Variants in HDAC4 observed in about 807,000 individuals in gnomAD.
The protein encoded by HDAC4 is histone deacetylase 4.
HDAC4 carries 16 observed loss-of-function variants against 135.1 expected under a neutral mutation model. The ratio of observed to expected loss-of-function variants is 0.12; its 90% CI spans 0.08 to 0.18. The LOEUF is 0.18. HDAC4 is among the 10% of genes least tolerant of loss of function. The pLI, the probability that HDAC4 is intolerant of heterozygous loss-of-function variation, is 1.00. For missense variants in HDAC4, 1,143 were observed against 1,511.8 expected (o/e 0.76, Z 4.05); for synonymous variants, 685 against 653.4 (o/e 1.05, Z -0.74).
rs187703224 is a variant in HDAC4 at position 239,243,024 on chromosome 2, C to A, written c.23-6360G>T. Among the ~76,000 whole-genome samples, 81 of 152,306 alleles carry A rather than the reference C, an allele frequency of 5.3e-4. 1 individual carries two copies. The highest frequency in any genetic ancestry group is 2.2e-3 in the Admixed American group (34 of 15,302). On this transcript the variant is annotated intron_variant, in intron 2 of 26. Transcript: ENST00000543185. ...ACAGGAAGGCAGCAAGAGCTCCACACAAGCTACACCTAAACTCTTTTCCAC... is the reference window on the plus strand; with the variant it reads ...ACAGGAAGGCAGCAAGAGCTCCACAAAAGCTACACCTAAACTCTTTTCCAC...
intron 2 of HDAC4, among the ~76,000 whole-genome samples, chr2:239,279,093 G>A (rs2050560771): frequency 6.6e-6 from 1 of 152,264 alleles, no homozygotes; most frequent in Non-Finnish European, 1.5e-5. Flanking sequence ...GAGGTAATGG[G>A]GCAGCAGGGC....
At chr2:239,058,279 C>A (rs556923588) in intron 24 of HDAC4, among the ~76,000 whole-genome samples, 4 of 152,206 alleles carry the variant, frequency 2.6e-5, no homozygotes, top group African/African-American at 9.6e-5. Context: ...AAATGGAATG[C>A]AGGAAACCCT....
chr2:239,089,643 T>C (rs2036309861), intron 18 of HDAC4: 1 of 193,472 alleles, frequency 5.2e-6, no homozygotes, highest in Non-Finnish European at 1.1e-5. Flanking sequence ...TTTAAATTAA[T>C]AAACATTTTG....
chr2:239,145,767 G>A (rs1380362367), intron 7 of HDAC4, among the ~76,000 whole-genome samples: 2 of 152,090 alleles, frequency 1.3e-5, no homozygotes, highest in African/African-American at 4.8e-5. Context: ...GGAACAGGCA[G>A]TGCACCGCCT....
chr2:239,347,935 G>A (rs558335242), intron 2 of HDAC4, among the ~76,000 whole-genome samples: 10 of 151,620 alleles, frequency 6.6e-5, no homozygotes, highest in African/African-American at 2.4e-4. Flanking sequence ...GCATCATCCC[G>A]GTGACCATAG....
rs925695689 is a variant in HDAC4, at chr2:239,396,913, G to A, written c.-220+4065C>T. ...GGACTTGGAGCATTAGCTCCCTTCC[G>A]TCACCCCCACCTGCCTCCAGGCGTC... On this transcript the variant is annotated intron_variant, in intron 1 of 26. Coordinates refer to ENST00000543185, the MANE Select transcript of HDAC4 (RefSeq NM_001378414.1). Among the ~76,000 whole-genome samples the A allele has an allele frequency of 5.3e-5, 8 of 152,256 alleles. No individual in the cohort carries two copies. In the South Asian group the frequency reaches 8.3e-4, roughly 16 times the overall value.
At position 239,089,800 on chromosome 2, in the gene HDAC4, C is replaced by A. The variant is rs1317232052; in HGVS notation, c.2388+209G>T. The stretch of plus-strand genomic sequence containing the variant: ...TCTTAAGACCCAAATCATTGAGAAT[C>A]TCTGTACTATGCACATACCCTATCA... On this transcript the variant is annotated intron_variant, in intron 18 of 26. Coordinates refer to ENST00000543185, the MANE Select transcript of HDAC4 (RefSeq NM_001378414.1). The A allele has an allele frequency of 3.0e-5, 16 of 541,742 alleles. No homozygotes were observed. In the Admixed American group the frequency reaches 4.6e-4, roughly 16 times the overall value. The allele number at this position is 541,742 out of a possible 1,614,324, so 33.6% of individuals were successfully genotyped here.
chr2:239,205,995 G>C (rs1275732785), intron 3 of HDAC4, among the ~76,000 whole-genome samples: 2 of 152,194 alleles, frequency 1.3e-5, no homozygotes, highest in Non-Finnish European at 2.9e-5. Flanking sequence ...CCATCAGAAA[G>C]AATTTTAAGG....
intron 16 of HDAC4, among the ~76,000 whole-genome samples, chr2:239,100,934 C>A (rs979629908): frequency 6.6e-6 from 1 of 152,154 alleles, no homozygotes; most frequent in Non-Finnish European, 1.5e-5. Flanking sequence ...CAGCAGCAGG[C>A]GAAGCCGCTG....
intron 15 of HDAC4, among the ~76,000 whole-genome samples, chr2:239,106,447 G>T (rs2038138115): frequency 6.6e-6 from 1 of 152,172 alleles, no homozygotes; most frequent in South Asian, 2.1e-4. Context: ...GTCCTGTGGA[G>T]GGAAGGGACG....
intron 12 of HDAC4, among the ~76,000 whole-genome samples, chr2:239,125,990 C>T (rs1218878452): frequency 1.3e-5 from 2 of 152,228 alleles, no homozygotes; most frequent in African/African-American, 2.4e-5. Context: ...CTGCAAGTGC[C>T]GGATGGCCTG....
intron 2 of HDAC4, among the ~76,000 whole-genome samples, chr2:239,242,134 GAGAAAGAA>G (rs528277115): frequency 4.0e-5 from 6 of 149,598 alleles, no homozygotes; most frequent in African/African-American, 1.5e-4. Flanking sequence ...GAAGGAGAAA[GAGAAAGAA>G]AGAAAGAAAG....
At chr2:239,311,046 G>A (rs1366236614) in intron 2 of HDAC4, among the ~76,000 whole-genome samples, 1 of 152,260 alleles carries the variant, frequency 6.6e-6, no homozygotes, top group Non-Finnish European at 1.5e-5. Flanking sequence ...GTCGCGGTCT[G>A]ACAGGCAGGC....
At chr2:239,124,946 T>C (rs2040063607) in intron 12 of HDAC4, among the ~76,000 whole-genome samples, 1 of 149,094 alleles carries the variant, frequency 6.7e-6, no homozygotes, top group Admixed American at 6.7e-5. Context: ...TATATGACAT[T>C]CCACGTTATG....
intron 2 of HDAC4, among the ~76,000 whole-genome samples, chr2:239,312,620 C>T (rs1388823770): frequency 2.6e-5 from 4 of 152,194 alleles, no homozygotes; most frequent in South Asian, 2.1e-4. Flanking sequence ...TCCAATGAAA[C>T]GAAAACATCC....
Position 239,139,645 on chromosome 2 carries a change from C to G in HDAC4, c.978+39G>C, listed in dbSNP as rs754634956. The G allele has an allele frequency of 1.3e-6, 2 of 1,568,620 alleles. No individual in the cohort carries two copies. The highest frequency in any genetic ancestry group is 1.8e-6 in the Non-Finnish European group (2 of 1,138,576). On this transcript the variant is annotated intron_variant, in intron 9 of 26. Transcript: ENST00000543185. The surrounding 1 kb of genome is among the most constrained non-coding windows in gnomAD (Gnocchi z 5.3). ...TCAAGCTCATCCGTCCCGAGTCCGA[C>G]TCTAGCCGTAGGACACAGGACAAAC...
At chr2:239,066,213 C>G (rs1215180445) in intron 24 of HDAC4, among the ~76,000 whole-genome samples, 1 of 152,194 alleles carries the variant, frequency 6.6e-6, no homozygotes, top group Non-Finnish European at 1.5e-5. Flanking sequence ...TCTCTGACTC[C>G]CTCCGGCGGT....
intron 19 of HDAC4, among the ~76,000 whole-genome samples, chr2:239,086,662 CG>C (rs1209903924): frequency 2.6e-5 from 4 of 152,224 alleles, no homozygotes; most frequent in Admixed American, 1.3e-4. Flanking sequence ...GGCCCTTTCC[CG>C]GGCCCCTGCG....
intron 11 of HDAC4, among the ~76,000 whole-genome samples, chr2:239,127,720 C>G (rs527552687): frequency 6.2e-4 from 94 of 152,256 alleles, no homozygotes; most frequent in Non-Finnish European, 1.1e-3. Context: ...CGGCATCCGC[C>G]TGAGGCAGCC....
Sources: allele counts gnomAD v4.1 joint callset (sites outside exome capture counted in the v4.1 genomes callset), GRCh38; gene constraint gnomAD v4.1.1; non-coding constraint Gnocchi (gnomAD v3.1); transcripts MANE v1.5; gene names NCBI Gene and HGNC (gene_info 2026-07-23, HGNC 2026-07-21).